The following LRCOL1 variants were observed in gnomAD, a reference collection of about 807,000 sequenced individuals.
LRCOL1 encodes leucine rich colipase like 1.
Under a neutral mutation model 21.6 loss-of-function variants are expected in LRCOL1, and 21 were observed. The ratio of observed to expected loss-of-function variants is 0.97; its 90% CI spans 0.69 to 1.40. The LOEUF is 1.40. Ranked by LOEUF, LRCOL1 falls within the 40% of genes most tolerant of loss-of-function variation. LRCOL1 has a pLI of 0.00. For synonymous variants in LRCOL1, 98 were observed against 90.1 expected, an observed-to-expected ratio of 1.09 and a Z score of -0.49; for missense variants, 198 against 202.3, an observed-to-expected ratio of 0.98 and a Z score of 0.13.
In LRCOL1 at chr12:132,603,341, C is replaced by A. The variant is rs775045016; in HGVS notation, c.*61G>T. On this transcript the variant is annotated 3_prime_UTR_variant, in exon 6 of 6. Transcript: ENST00000376608. ...CGCTGGAACCAGCCCCCGCGCAACG[C>A]GGTCCTGCGTGAACATCCCAGGGCC... The A allele has an allele frequency of 7.6e-5, 117 of 1,534,526 alleles. No homozygotes were observed. Among genetic ancestry groups the A allele is most frequent in the Non-Finnish European group, 9.5e-5 (109 of 1,145,710 alleles).
chr12:132,605,340 G>A (rs1309333800), intron 2 of LRCOL1, among the ~76,000 whole-genome samples: 4 of 152,322 alleles, frequency 2.6e-5, no homozygotes, highest in South Asian at 2.1e-4. Context: ...GTCTATTGAC[G>A]TTACTGGATT....
Position 132,606,395 on chromosome 12 carries a change from C to T in LRCOL1, c.-13-131G>A, listed in dbSNP as rs1021515214. On this transcript the variant is annotated intron_variant, in intron 1 of 5. Transcript: ENST00000376608. The surrounding 1 kb of genome is among the most constrained non-coding windows in gnomAD (Gnocchi z 4.6). ...CTCTTGCAAGACAGACTTTTAAAAA[C>T]TTAATGGACTTTATTTTCTAAAGCA... 8.0e-6 allele frequency: 6 copies of T among 754,010 alleles called. No individual in the cohort carries two copies. The highest frequency in any genetic ancestry group is 1.3e-5 in the Non-Finnish European group (6 of 479,844). 46.7% of individuals were successfully genotyped at this position (754,010 alleles called of 1,614,324 possible). A position where few individuals can be genotyped will look rare whatever the true frequency, so the allele number is the denominator to read the frequency against.
intron 1 of LRCOL1, among the ~76,000 whole-genome samples, chr12:132,607,504 C>T (rs568808948): frequency 7.2e-5 from 11 of 152,358 alleles, no homozygotes; most frequent in African/African-American, 9.6e-5. Flanking sequence ...GCCTCCCCCT[C>T]GGCTCCCTCA....
At chr12:132,609,257 C>T (rs958952612) in intron 1 of LRCOL1, among the ~76,000 whole-genome samples, 36 of 152,266 alleles carry the variant, frequency 2.4e-4, no homozygotes, top group Admixed American at 8.5e-4. Context: ...ACAGACAGTA[C>T]GATGGTGGTG....
chr12:132,606,326 G>A lies in LRCOL1; in HGVS notation c.-13-62C>T. ...GCCAGCCTTGTCCTGCCTGGCACCT[G>A]GTGCTGGCCTCCCCACTCCCTTCCC... is the stretch of plus-strand genomic sequence containing the variant. On this transcript the variant is annotated intron_variant, in intron 1 of 5. Transcript: ENST00000376608. The surrounding 1 kb of genome is among the most constrained non-coding windows in gnomAD (Gnocchi z 4.6). 1 of 1,417,754 alleles carries A rather than the reference G, an allele frequency of 7.1e-7. No homozygotes were observed. The highest frequency in any genetic ancestry group is 2.0e-5 in the Admixed American group (1 of 49,938). The allele number at this position is 1,417,754 out of a possible 1,614,324, so 87.8% of individuals were successfully genotyped here.
intron 5 of LRCOL1, chr12:132,603,644 G>C (rs1037007232): frequency 2.5e-3 from 717 of 282,852 alleles, no homozygotes; most frequent in Non-Finnish European, 2.9e-3. Context: ...AGGGCGCCTG[G>C]TGGTACCCGA....
chr12:132,608,403 T>C (rs1270208366), intron 1 of LRCOL1, among the ~76,000 whole-genome samples: 1 of 152,212 alleles, frequency 6.6e-6, no homozygotes, highest in Non-Finnish European at 1.5e-5. Flanking sequence ...TTTACCTCCC[T>C]CACAGGAAGT....
At position 132,603,302 on chromosome 12, in the gene LRCOL1, G is replaced by C. The variant is rs776124831; in HGVS notation, c.*100C>G. 1.8e-5 allele frequency: 27 copies of C among 1,500,848 alleles called. No individual in the cohort carries two copies. Among genetic ancestry groups the C allele is most frequent in the Non-Finnish European group, 2.3e-5 (26 of 1,116,468 alleles). The allele number at this position is 1,500,848 out of a possible 1,614,324, so 93.0% of individuals were successfully genotyped here. ...AGCCCCAGAAACAGCAGCACAAACC[G>C]TAAGGGAAGCTTCCGCTGGAACCAG... On this transcript the variant is annotated 3_prime_UTR_variant, in exon 6 of 6. Coordinates refer to ENST00000376608, the MANE Select transcript of LRCOL1 (RefSeq NM_001195520.2).
rs1176204734 is a variant in LRCOL1, at chr12:132,606,262, G to A, written c.-11C>T. The A allele has an allele frequency of 6.5e-7, 1 of 1,535,990 alleles. No individual in the cohort carries two copies. Among genetic ancestry groups the A allele is most frequent in the Non-Finnish European group, 8.7e-7 (1 of 1,146,796 alleles). ...CCCCGGGCCGGCCATCGGGTGTGTGGACCTGCAGAGACCCAGGATTGTGTG... is the reference window on the plus strand; with the variant it reads ...CCCCGGGCCGGCCATCGGGTGTGTGAACCTGCAGAGACCCAGGATTGTGTG... On this transcript the variant is annotated splice_region_variant and 5_prime_UTR_variant, in exon 2 of 6. Transcript: ENST00000376608. The surrounding 1 kb of genome is among the most constrained non-coding windows in gnomAD (Gnocchi z 4.6).
At chr12:132,607,918 T>TCC (rs2041332801) in intron 1 of LRCOL1, among the ~76,000 whole-genome samples, 1 of 147,884 alleles carries the variant, frequency 6.8e-6, no homozygotes, top group African/African-American at 2.5e-5. Flanking sequence ...TCTCTCCGTC[T>TCC]GTCTCTCTCT....
Position 132,606,342 on chromosome 12 carries a change from C to CTCCCTTCCCA in LRCOL1, c.-13-88_-13-79dup. On this transcript the variant is annotated intron_variant, in intron 1 of 5. Transcript: ENST00000376608. This position sits in a 1 kb window ranked among gnomAD's most constrained non-coding sequence, Gnocchi z 4.6. ...CTGGCACCTGGTGCTGGCCTCCCCA[C>CTCCCTTCCCA]TCCCTTCCCATCCCTTCCCGATCCT... 8.2e-7 allele frequency: 1 copy of CTCCCTTCCCA among 1,224,464 alleles called. No individual in the cohort carries two copies. The allele number at this position is 1,224,464 out of a possible 1,614,324, so 75.8% of individuals were successfully genotyped here. A position where few individuals can be genotyped will look rare whatever the true frequency, so the allele number is the denominator to read the frequency against.
intron 1 of LRCOL1, among the ~76,000 whole-genome samples, chr12:132,607,419 C>T (rs1009799156): frequency 3.9e-5 from 6 of 152,226 alleles, no homozygotes; most frequent in Non-Finnish European, 8.8e-5. Context: ...ACACCATGCA[C>T]GATAACAAGA....
rs1486052050 is a variant in LRCOL1 at position 132,606,552 on chromosome 12, GGGACGTGCCATCATCACCC to G, written c.-13-307_-13-289del. 8.5e-5 allele frequency among the ~76,000 whole-genome samples: 13 copies of G among 152,174 alleles called. No individual in the cohort carries two copies. Among genetic ancestry groups the G allele is most frequent in the Non-Finnish European group, 1.2e-4 (8 of 68,040 alleles). ...TCTGTCCACCATTGATAGACCCACA[GGGACGTGCCATCATCACCC>G]GGAGTCCACAGCTCAGCCGGTGTGT... On this transcript the variant is annotated intron_variant, in intron 1 of 5. Coordinates refer to ENST00000376608, the MANE Select transcript of LRCOL1 (RefSeq NM_001195520.2). The surrounding 1 kb of genome is among the most constrained non-coding windows in gnomAD (Gnocchi z 4.6).
intron 5 of LRCOL1, chr12:132,603,858 C>G: frequency 1.0e-6 from 1 of 985,324 alleles, no homozygotes; most frequent in Non-Finnish European, 1.2e-6. Context: ...GGAAAAGCCA[C>G]AGCAGAGGTC....
At chr12:132,605,892 C>G in intron 2 of LRCOL1, 4 of 522,660 alleles carry the variant, frequency 7.7e-6, no homozygotes, top group Non-Finnish European at 1.4e-5. Context: ...GGCCCCAGGG[C>G]TGCTCCTGGT....
chr12:132,606,658 G>A lies in LRCOL1; in HGVS notation c.-13-394C>T, dbSNP rs57629076. On this transcript the variant is annotated intron_variant, in intron 1 of 5. Transcript: ENST00000376608. The surrounding 1 kb of genome is among the most constrained non-coding windows in gnomAD (Gnocchi z 4.6). The stretch of plus-strand genomic sequence containing the variant: ...TGCCATTTCAGTATCCTGCAAAGCC[G>A]ATCCGATGCCCTAAACATCCCCGTG... 0.064 allele frequency among the ~76,000 whole-genome samples: 9,727 copies of A among 151,940 alleles called. 435 individuals carry two copies. Among genetic ancestry groups the A allele is most frequent in the East Asian group, 0.13 (653 of 5,080 alleles).
In LRCOL1 at chr12:132,604,602, C is replaced by G; in HGVS notation, c.232-18G>C. 2.0e-6 allele frequency: 3 copies of G among 1,529,114 alleles called. No individual in the cohort carries two copies. Among genetic ancestry groups the G allele is most frequent in the Non-Finnish European group, 2.6e-6 (3 of 1,141,658 alleles). The allele number at this position is 1,529,114 out of a possible 1,614,324, so 94.7% of individuals were successfully genotyped here. On this transcript the variant is annotated intron_variant, in intron 3 of 5. Transcript: ENST00000376608. ...CCATTGGGCTATGGGACAGGAGACG[C>G]GTCATCCCTGCACCCACCATCCACT...
chr12:132,608,554 A>G (rs1325625640), intron 1 of LRCOL1, among the ~76,000 whole-genome samples: 1 of 152,170 alleles, frequency 6.6e-6, no homozygotes, highest in Admixed American at 6.5e-5. Flanking sequence ...GTTTCCAATC[A>G]TATCAAGCCT....
chr12:132,609,627 G>A (rs1046898466), intron 1 of LRCOL1, among the ~76,000 whole-genome samples: 2 of 151,224 alleles, frequency 1.3e-5, no homozygotes, highest in African/African-American at 4.9e-5. Context: ...AACCCTGGAG[G>A]CAAAGGTTGC....
Sources: allele counts gnomAD v4.1 joint callset (sites outside exome capture counted in the v4.1 genomes callset), GRCh38; gene constraint gnomAD v4.1.1; non-coding constraint Gnocchi (gnomAD v3.1); transcripts MANE v1.5; gene names NCBI Gene and HGNC (gene_info 2026-07-23, HGNC 2026-07-21).